Variants in TMEM266 observed in about 807,000 individuals in gnomAD.
TMEM266 encodes transmembrane protein 266.
Under a neutral mutation model 50.5 loss-of-function variants are expected in TMEM266, and 33 were observed. The ratio of observed to expected loss-of-function variants is 0.65; its 90% CI spans 0.50 to 0.87. The LOEUF is 0.87. TMEM266 is among the 40% of genes least tolerant of loss of function. The pLI, the probability that TMEM266 is intolerant of heterozygous loss-of-function variation, is 0.00. For missense variants in TMEM266, 655 were observed against 695.1 expected, an observed-to-expected ratio of 0.94 and a Z score of 0.65; for synonymous variants, 310 against 292.3, an observed-to-expected ratio of 1.06 and a Z score of -0.62.
rs1443686554 is a variant in TMEM266 at position 76,139,673 on chromosome 15, G to A, written c.227+1778G>A. Among the ~76,000 whole-genome samples the A allele has an allele frequency of 2.0e-5, 3 of 152,224 alleles. No homozygotes were observed. Among genetic ancestry groups the A allele is most frequent in the African/African-American group, 7.2e-5 (3 of 41,466 alleles). On this transcript the variant is annotated intron_variant, in intron 3 of 10. Coordinates refer to ENST00000388942, the MANE Select transcript of TMEM266 (RefSeq NM_152335.3). The surrounding 1 kb of genome is among the most constrained non-coding windows in gnomAD (Gnocchi z 4.1). The stretch of plus-strand genomic sequence containing the variant: ...AGTCACTGCGTCACTGCTCTCTGGT[G>A]GTCAAAAGCAGTAGTGCAGCCTTCT...
At chr15:76,104,793 T>G (rs551363565) in intron 1 of TMEM266, among the ~76,000 whole-genome samples, 5 of 152,146 alleles carry the variant, frequency 3.3e-5, no homozygotes, top group Admixed American at 2.6e-4. Context: ...AGAGGGAGAT[T>G]GTTGGGATTA....
chr15:76,169,024 G>A (rs1231823766), intron 5 of TMEM266, among the ~76,000 whole-genome samples: 1 of 152,332 alleles, frequency 6.6e-6, no homozygotes, highest in African/African-American at 2.4e-5. Flanking sequence ...AAGTGGATAG[G>A]TAAGGCTTGG....
At chr15:76,150,271 T>C (rs2037817880) in intron 3 of TMEM266, among the ~76,000 whole-genome samples, 1 of 152,222 alleles carries the variant, frequency 6.6e-6, no homozygotes, top group African/African-American at 2.4e-5. Flanking sequence ...AGAGCCTTCC[T>C]GAAGGCAGAG....
intron 9 of TMEM266, among the ~76,000 whole-genome samples, chr15:76,201,076 T>C (rs1407418029): frequency 6.6e-6 from 1 of 152,084 alleles, no homozygotes; most frequent in Admixed American, 6.5e-5. Context: ...GGGGCAGCCC[T>C]GGAGCACTTC....
At chr15:76,093,897 G>C (rs1204921368) in intron 1 of TMEM266, among the ~76,000 whole-genome samples, 1 of 152,046 alleles carries the variant, frequency 6.6e-6, no homozygotes, top group Non-Finnish European at 1.5e-5. Context: ...ATGTGTGTTG[G>C]CTGCATAAAT....
intron 3 of TMEM266, among the ~76,000 whole-genome samples, chr15:76,141,873 C>A (rs1341076751): frequency 6.6e-6 from 1 of 152,208 alleles, no homozygotes; most frequent in Admixed American, 6.5e-5. Context: ...TTTTGCTTAG[C>A]ATAATGTCCA....
chr15:76,106,615 T>C (rs1327468377), intron 1 of TMEM266, among the ~76,000 whole-genome samples: 1 of 152,064 alleles, frequency 6.6e-6, no homozygotes, highest in East Asian at 1.9e-4. Flanking sequence ...AATTATTTTA[T>C]TTTTTATTTT....
chr15:76,065,596 G>A (rs2036398549), intron 1 of TMEM266, among the ~76,000 whole-genome samples: 1 of 152,182 alleles, frequency 6.6e-6, no homozygotes, highest in African/African-American at 2.4e-5. Flanking sequence ...GCACTTGCTA[G>A]AGTAGCTTTG....
intron 1 of TMEM266, among the ~76,000 whole-genome samples, chr15:76,064,686 G>T (rs1464084011): frequency 6.6e-6 from 1 of 152,190 alleles, no homozygotes; most frequent in Non-Finnish European, 1.5e-5. Context: ...ATTTGTAATA[G>T]AAACTACTTA....
At chr15:76,157,627 T>C (rs1385499518) in intron 4 of TMEM266, among the ~76,000 whole-genome samples, 2 of 152,100 alleles carry the variant, frequency 1.3e-5, no homozygotes, top group Non-Finnish European at 2.9e-5. Context: ...AAGTAAGTGG[T>C]TTCTGGTACA....
intron 1 of TMEM266, among the ~76,000 whole-genome samples, chr15:76,133,436 A>C (rs2037544123): frequency 1.0e-5 from 1 of 96,332 alleles, no homozygotes; most frequent in African/African-American, 6.9e-5. Flanking sequence ...AACTCCATCT[A>C]AAAAAAATAA....
At chr15:76,187,554 A>C (rs980552920) in intron 8 of TMEM266, among the ~76,000 whole-genome samples, 1 of 152,196 alleles carries the variant, frequency 6.6e-6, no homozygotes, top group African/African-American at 2.4e-5. Context: ...CATCCTGCAC[A>C]AAAAGGCTGC....
chr15:76,149,788 A>C (rs2037810267), intron 3 of TMEM266, among the ~76,000 whole-genome samples: 1 of 152,218 alleles, frequency 6.6e-6, no homozygotes, highest in South Asian at 2.1e-4. Context: ...ACGAGTTAAC[A>C]TTTGTAAAGT....
Position 76,203,906 on chromosome 15 carries a change from G to C in TMEM266, c.1187G>C (p.Arg396Pro). ...AGTGCCTCCCGCAGCTCAGTCACCC[G>C]GGCCCAGAGTGACAGCAGCCAGACG... Residue 396 changes from arginine to proline, a missense_variant, in exon 11 of 11, where the codon CGG becomes CCG. By Grantham distance (103) the Arg-to-Pro change is moderately radical. Coordinates refer to ENST00000388942, the MANE Select transcript of TMEM266 (RefSeq NM_152335.3). 1 of 1,614,036 alleles carries C rather than the reference G, an allele frequency of 6.2e-7. No individual in the cohort carries two copies. Among genetic ancestry groups the C allele is most frequent in the Non-Finnish European group, 8.5e-7 (1 of 1,180,010 alleles).
At chr15:76,149,126 C>T (rs867332900) in intron 3 of TMEM266, among the ~76,000 whole-genome samples, 6 of 152,186 alleles carry the variant, frequency 3.9e-5, no homozygotes, top group African/African-American at 7.2e-5. Context: ...CTGGTTCTCT[C>T]TGGGTGAGAA....
chr15:76,153,098 T>C lies in TMEM266; in HGVS notation c.228-3506T>C. On this transcript the variant is annotated intron_variant, in intron 3 of 10. Coordinates refer to ENST00000388942, the MANE Select transcript of TMEM266 (RefSeq NM_152335.3). This position sits in a 1 kb window ranked among gnomAD's most constrained non-coding sequence, Gnocchi z 4.2. ...CTCCAGACGCCCACCTCCTGCAGCT[T>C]CCTAACCACCTGATATGGTTAGTAA... Among the ~76,000 whole-genome samples the C allele has an allele frequency of 6.7e-6, 1 of 149,760 alleles. No individual in the cohort carries two copies. The highest frequency in any genetic ancestry group is 2.2e-4 in the South Asian group (1 of 4,476).
intron 1 of TMEM266, among the ~76,000 whole-genome samples, chr15:76,118,683 C>T (rs1397320311): frequency 2.0e-5 from 3 of 152,168 alleles, no homozygotes; most frequent in South Asian, 2.1e-4. Flanking sequence ...GGAGTCCTAA[C>T]CAATAAAATT....
At chr15:76,151,282 A>G (rs2037839317) in intron 3 of TMEM266, among the ~76,000 whole-genome samples, 2 of 152,198 alleles carry the variant, frequency 1.3e-5, no homozygotes, top group Non-Finnish European at 2.9e-5. Flanking sequence ...GTCATTACTG[A>G]ACCACTCAGG....
chr15:76,083,233 C>CTT (rs3068737), intron 1 of TMEM266, among the ~76,000 whole-genome samples: 5,225 of 136,172 alleles, frequency 0.038, 334 homozygotes, highest in African/African-American at 0.13. Context: ...TGCTGATACT[C>CTT]TTTTTTTTTT....
Sources: allele counts gnomAD v4.1 joint callset (sites outside exome capture counted in the v4.1 genomes callset), GRCh38; gene constraint gnomAD v4.1.1; non-coding constraint Gnocchi (gnomAD v3.1); transcripts MANE v1.5; gene names NCBI Gene and HGNC (gene_info 2026-07-23, HGNC 2026-07-21).